ANKH: variants seen among roughly 807,000 people sequenced by gnomAD.
ANKH encodes the protein mineralization regulator ANKH.
A neutral mutation model predicts 49.0 loss-of-function variants in ANKH; 15 were observed. The observed-to-expected ratio is 0.31, with a 90% CI of 0.20 to 0.47. The LOEUF (loss-of-function observed/expected upper bound fraction) is 0.47, where lower values mean the gene tolerates loss of function less well. Among genes scored for constraint, ANKH ranks in the 20% least tolerant of loss-of-function variants. The pLI, the probability that ANKH is intolerant of heterozygous loss-of-function variation, is 1.00. For missense variants in ANKH, 429 were observed against 652.0 expected, an observed-to-expected ratio of 0.66 and a Z score of 3.72; for synonymous variants, 273 against 260.0, an observed-to-expected ratio of 1.05 and a Z score of -0.48.
intron 1 of ANKH, among the ~76,000 whole-genome samples, chr5:14,788,691 T>C (rs1278796568): frequency 2.0e-5 from 3 of 152,040 alleles, no homozygotes. Context: ...GAGAAGGCAG[T>C]AGAAAGGCAG....
At chr5:14,865,791 TC>T (rs1183250948) in intron 1 of ANKH, among the ~76,000 whole-genome samples, 1 of 152,198 alleles carries the variant, frequency 6.6e-6, no homozygotes, top group Non-Finnish European at 1.5e-5. Context: ...TTCCTGGGCT[TC>T]TCTTTTTGTC....
chr5:14,781,376 C>T (rs538238092), intron 1 of ANKH, among the ~76,000 whole-genome samples: 3 of 152,072 alleles, frequency 2.0e-5, no homozygotes, highest in African/African-American at 7.2e-5. Flanking sequence ...TCCTGAAAAC[C>T]CCAAGACAAC....
intron 8 of ANKH, among the ~76,000 whole-genome samples, chr5:14,731,056 A>G (rs1204803445): frequency 6.6e-6 from 1 of 152,208 alleles, no homozygotes; most frequent in Non-Finnish European, 1.5e-5. Flanking sequence ...GCGAGGGGAC[A>G]CTGCTGCATG....
At chr5:14,780,308 C>A (rs1051126406) in intron 1 of ANKH, among the ~76,000 whole-genome samples, 2 of 152,080 alleles carry the variant, frequency 1.3e-5, no homozygotes, top group Non-Finnish European at 1.5e-5. Context: ...TTTGGGAGGC[C>A]GAGCTGGGTG....
At position 14,725,118 on chromosome 5, in the gene ANKH, CAA is replaced by C. The variant is rs1017934781; in HGVS notation, c.1012-8285_1012-8284del. Reference sequence around the variant, plus strand: ...AGCCAGTGGTTAGCCCTCGGCAACACAAAGTGTGAAGAGGAGGTTAGGGCTTG... The same window carrying C: ...AGCCAGTGGTTAGCCCTCGGCAACACAGTGTGAAGAGGAGGTTAGGGCTTG... On this transcript the variant is annotated intron_variant, in intron 8 of 11. Transcript: ENST00000284268. This position sits in a 1 kb window ranked among gnomAD's most constrained non-coding sequence, Gnocchi z 4.0. Among the ~76,000 whole-genome samples the C allele has an allele frequency of 4.6e-5, 7 of 152,184 alleles. No individual in the cohort carries two copies. The highest frequency in any genetic ancestry group is 1.7e-4 in the African/African-American group (7 of 41,446).
chr5:14,758,421 T>C, intron 3 of ANKH, 59 bp downstream of exon 3: 2 of 1,273,962 alleles, frequency 1.6e-6, no homozygotes, highest in Non-Finnish European at 2.3e-6. Context: ...TTTTATATTA[T>C]GTATATTTTA....
At position 14,745,808 on chromosome 5, in the gene ANKH, CCTGT is replaced by C. The variant is rs1469811458; in HGVS notation, c.915+58_915+61del. ...AACAAAGTGTCCCTCATCAGAGAGC[CCTGT>C]CTATCAAGAAGTCATTTCAAAAGCA... On this transcript the variant is annotated intron_variant, in intron 7 of 11. Coordinates refer to ENST00000284268, the MANE Select transcript of ANKH (RefSeq NM_054027.6). This position sits in a 1 kb window ranked among gnomAD's most constrained non-coding sequence, Gnocchi z 4.7. 9.7e-6 allele frequency: 14 copies of C among 1,444,782 alleles called. No individual in the cohort carries two copies. Among genetic ancestry groups the C allele is most frequent in the South Asian group, 1.1e-5 (1 of 87,052 alleles). The allele number at this position is 1,444,782 out of a possible 1,614,324, so 89.5% of individuals were successfully genotyped here.
At chr5:14,712,052 A>C (rs1737235258) in intron 11 of ANKH, among the ~76,000 whole-genome samples, 2 of 152,160 alleles carry the variant, frequency 1.3e-5, no homozygotes, top group Admixed American at 1.3e-4. Context: ...CATGCTCAGT[A>C]ATGACCATCA....
chr5:14,851,113 G>T (rs1477972212), intron 1 of ANKH, among the ~76,000 whole-genome samples: 2 of 152,130 alleles, frequency 1.3e-5, no homozygotes, highest in African/African-American at 4.8e-5. Flanking sequence ...ACACAATGCT[G>T]CCAGGAAGCC....
rs1012283265 is a variant in ANKH, at chr5:14,725,165, G to C, written c.1012-8330C>G. Among the ~76,000 whole-genome samples, 1 of 152,158 alleles carries C rather than the reference G, an allele frequency of 6.6e-6. No individual in the cohort carries two copies. The highest frequency in any genetic ancestry group is 2.4e-5 in the African/African-American group (1 of 41,428). ...GGCTTGGCACTGGCGCCTGACTGCC[G>C]GGCTGGCACTCCAACCCAGCTGTGT... On this transcript the variant is annotated intron_variant, in intron 8 of 11. Coordinates refer to ENST00000284268, the MANE Select transcript of ANKH (RefSeq NM_054027.6). This position sits in a 1 kb window ranked among gnomAD's most constrained non-coding sequence, Gnocchi z 4.0.
intron 1 of ANKH, chr5:14,797,737 T>C (rs561964824): frequency 1.2e-5 from 19 of 1,609,804 alleles, no homozygotes; most frequent in Non-Finnish European, 1.5e-5. Flanking sequence ...CCTGTAAAGA[T>C]GGTCTTCGCA....
intron 2 of ANKH, among the ~76,000 whole-genome samples, chr5:14,761,654 A>G (rs1739083090): frequency 6.6e-6 from 1 of 152,190 alleles, no homozygotes; most frequent in Non-Finnish European, 1.5e-5. Context: ...GATGCCAAGT[A>G]GCCATAAAAT....
intron 1 of ANKH, among the ~76,000 whole-genome samples, chr5:14,831,305 G>A (rs541310089): frequency 1.8e-4 from 27 of 152,250 alleles, no homozygotes; most frequent in African/African-American, 6.3e-4. Flanking sequence ...TTTGTATGAG[G>A]AGCTACTTAG....
At chr5:14,772,953 A>G (rs1739494840) in intron 1 of ANKH, among the ~76,000 whole-genome samples, 1 of 152,248 alleles carries the variant, frequency 6.6e-6, no homozygotes. Context: ...GTGTAAGATC[A>G]GTGTCCCTGC....
intron 1 of ANKH, among the ~76,000 whole-genome samples, chr5:14,803,760 G>T (rs898748484): frequency 6.6e-6 from 1 of 152,128 alleles, no homozygotes; most frequent in African/African-American, 2.4e-5. Context: ...CTCCTCACAT[G>T]ACATCTCTCA....
chr5:14,731,873 G>A (rs943002719), intron 8 of ANKH, among the ~76,000 whole-genome samples: 24 of 152,322 alleles, frequency 1.6e-4, no homozygotes, highest in African/African-American at 4.8e-4. Context: ...CAATGCATAC[G>A]GCCACAGCTG....
At chr5:14,819,233 G>A (rs1474582027) in intron 1 of ANKH, among the ~76,000 whole-genome samples, 1 of 152,208 alleles carries the variant, frequency 6.6e-6, no homozygotes, top group Non-Finnish European at 1.5e-5. Context: ...TTATTCTGCT[G>A]TCTCAACCTA....
At chr5:14,850,838 C>T (rs1057027984) in intron 1 of ANKH, among the ~76,000 whole-genome samples, 2 of 151,912 alleles carry the variant, frequency 1.3e-5, no homozygotes, top group Non-Finnish European at 2.9e-5. Flanking sequence ...CCAGAAGGCA[C>T]AAACGATTAA....
chr5:14,721,497 T>C (rs2126426207), intron 8 of ANKH, among the ~76,000 whole-genome samples: 1 of 152,376 alleles, frequency 6.6e-6, no homozygotes, highest in African/African-American at 2.4e-5. Context: ...TCTTCCTCCC[T>C]GAAGTCTCTG....
Sources: gnomAD v4.1 joint callset for allele counts (sites outside exome capture counted in the v4.1 genomes callset) on GRCh38, gnomAD v4.1.1 for gene constraint, Gnocchi (gnomAD v3.1) non-coding constraint, MANE v1.5 for transcripts, NCBI Gene and HGNC (gene_info 2026-07-23, HGNC 2026-07-21) for gene names.